The following ATF7IP variants were observed in gnomAD, a reference collection of about 807,000 sequenced individuals.
The protein encoded by ATF7IP is activating transcription factor 7-interacting protein 1.
ATF7IP carries 23 observed loss-of-function variants against 106.4 expected under a neutral mutation model. The observed-to-expected ratio is 0.22, with a 90% CI of 0.16 to 0.31. ATF7IP has a LOEUF of 0.31. Ranked by LOEUF, ATF7IP falls within the 10% of genes least tolerant of loss-of-function variation. ATF7IP has a pLI of 1.00. For missense variants in ATF7IP, 1,334 were observed against 1,524.3 expected (o/e 0.88, Z 2.08); for synonymous variants, 542 against 539.0 (o/e 1.01, Z -0.08).
intron 4 of ATF7IP, 145 bp from the exon 5 acceptor site, chr12:14,437,985 G>A (rs1435719489): frequency 2.4e-5 from 15 of 617,494 alleles, no homozygotes; most frequent in Middle Eastern, 5.0e-4. Flanking sequence ...CCCGGGAGGC[G>A]GAGCTTGCAG....
At chr12:14,489,520 A>G (rs998697739) in intron 13 of ATF7IP, among the ~76,000 whole-genome samples, 2 of 152,150 alleles carry the variant, frequency 1.3e-5, no homozygotes, top group Non-Finnish European at 2.9e-5. Context: ...GGTGAGTGGT[A>G]CCACTTCCAC....
intron 1 of ATF7IP, among the ~76,000 whole-genome samples, chr12:14,390,874 C>A (rs1404045548): frequency 6.6e-6 from 1 of 152,190 alleles, no homozygotes; most frequent in East Asian, 1.9e-4. Flanking sequence ...TTCCACATTT[C>A]CCAGAGTGAA....
chr12:14,476,071 G>T, intron 11 of ATF7IP, 103 bp downstream of exon 11: 1 of 867,514 alleles, frequency 1.2e-6, no homozygotes. Context: ...CATTATGCTT[G>T]GTTTATTTGT....
intron 8 of ATF7IP, among the ~76,000 whole-genome samples, chr12:14,457,498 A>T (rs1943473860): frequency 6.6e-6 from 1 of 152,078 alleles, no homozygotes; most frequent in Non-Finnish European, 1.5e-5. Context: ...GCTGAGGAGG[A>T]TTACCCAAAC....
intron 1 of ATF7IP, among the ~76,000 whole-genome samples, chr12:14,377,031 G>A (rs1360052277): frequency 6.6e-6 from 1 of 152,160 alleles, no homozygotes; most frequent in African/African-American, 2.4e-5. Flanking sequence ...GTCTTGCTGT[G>A]TTGCCCAGGC....
chr12:14,371,494 G>T (rs922399960), intron 1 of ATF7IP, among the ~76,000 whole-genome samples: 2 of 151,858 alleles, frequency 1.3e-5, no homozygotes, highest in Non-Finnish European at 2.9e-5. Context: ...TATTATACTT[G>T]GTTTCTAGAC....
Position 14,434,423 on chromosome 12 carries a change from A to G in ATF7IP, c.1645A>G (p.Asn549Asp). 6.6e-7 allele frequency: 1 copy of G among 1,518,026 alleles called. No homozygotes were observed. The highest frequency in any genetic ancestry group is 2.3e-5 in the East Asian group (1 of 43,756). 94.0% of individuals were successfully genotyped at this position (1,518,026 alleles called of 1,614,324 possible). A position where few individuals can be genotyped will look rare whatever the true frequency, so the allele number is the denominator to read the frequency against. ...HEDDERPSEKNEFSRRKRSKS... is the reference protein window; with the variant it reads ...HEDDERPSEKDEFSRRKRSKS... ...AGATGATGAAAGACCTTCTGAGAAA[A>G]GTATGCATGTATAAACAAACTTGAA... The change falls in exon 3 of 15, where the codon AAT (asparagine) becomes GAT (aspartate). Residue 549 changes from asparagine to aspartate, a missense_variant and splice_region_variant. Around this residue, in one of 10 missense-constraint regions of ATF7IP, gnomAD observed 119 missense variants for 117.8 expected, o/e 1.01. Transcript: ENST00000261168.
intron 1 of ATF7IP, among the ~76,000 whole-genome samples, chr12:14,422,626 C>T (rs1317620978): frequency 6.6e-6 from 1 of 152,146 alleles, no homozygotes; most frequent in Non-Finnish European, 1.5e-5. Context: ...CTACTCTGGA[C>T]ATTTCATATA....
rs755315491 is a variant in ATF7IP at position 14,425,155 on chromosome 12, G to T, written c.1240G>T (p.Val414Phe). Residue 414 changes from valine (V) to phenylalanine (F), a missense_variant, in exon 2 of 15, where the codon GTT (valine) becomes TTT (phenylalanine). Around this residue, in one of 10 missense-constraint regions of ATF7IP, gnomAD observed 438 missense variants for 405.3 expected, o/e 1.08. Transcript: ENST00000261168. ...ADLVETINEN[V>F]IEDNKSENIL... Reference sequence around the variant, plus strand: ...TCTTGTAGAAACGATTAATGAAAATGTTATTGAAGATAACAAAAGTGAGAA... The same window carrying T: ...TCTTGTAGAAACGATTAATGAAAATTTTATTGAAGATAACAAAAGTGAGAA... The T allele has an allele frequency of 6.3e-7, 1 of 1,593,358 alleles. No individual in the cohort carries two copies. Among genetic ancestry groups the T allele is most frequent in the South Asian group, 1.2e-5 (1 of 86,450 alleles).
chr12:14,372,460 CAA>C (rs11431179), intron 1 of ATF7IP, among the ~76,000 whole-genome samples: 13 of 121,352 alleles, frequency 1.1e-4, no homozygotes, highest in Non-Finnish European at 1.1e-4. Context: ...AGCCACTTTT[CAA>C]AAAAAAAAAA....
chr12:14,478,729 A>C (rs1004782924), intron 12 of ATF7IP, among the ~76,000 whole-genome samples: 4 of 152,214 alleles, frequency 2.6e-5, no homozygotes, highest in Non-Finnish European at 5.9e-5. Context: ...AGGTAATTTT[A>C]AAAAGCATTC....
intron 1 of ATF7IP, among the ~76,000 whole-genome samples, chr12:14,374,033 A>ATT (rs35072695): frequency 4.0e-5 from 6 of 149,822 alleles, no homozygotes; most frequent in Non-Finnish European, 7.4e-5. Context: ...TTTTATCCAG[A>ATT]TTTTTTTTTC....
intron 3 of ATF7IP, among the ~76,000 whole-genome samples, chr12:14,434,866 G>A (rs948392219): frequency 6.6e-6 from 1 of 152,114 alleles, no homozygotes; most frequent in African/African-American, 2.4e-5. Context: ...TGGAAGGATT[G>A]CTTGAGGCCA....
At chr12:14,420,889 CAT>C (rs1243019234) in intron 1 of ATF7IP, among the ~76,000 whole-genome samples, 3 of 152,280 alleles carry the variant, frequency 2.0e-5, no homozygotes, top group Admixed American at 2.0e-4. Context: ...TGTATTCTAC[CAT>C]ATCATTCCTA....
chr12:14,409,802 G>T (rs1940806733), intron 1 of ATF7IP, among the ~76,000 whole-genome samples: 1 of 152,008 alleles, frequency 6.6e-6, no homozygotes, highest in Non-Finnish European at 1.5e-5. Flanking sequence ...CCAACACTCG[G>T]TTCTCTTGGT....
At chr12:14,443,542 C>G (rs1565516606) in intron 5 of ATF7IP, among the ~76,000 whole-genome samples, 1 of 152,276 alleles carries the variant, frequency 6.6e-6, no homozygotes, top group East Asian at 1.9e-4. Context: ...TTAAAATTCA[C>G]TGGTCATTCA....
intron 2 of ATF7IP, among the ~76,000 whole-genome samples, chr12:14,431,857 A>T (rs777070224): frequency 6.6e-6 from 1 of 152,200 alleles, no homozygotes; most frequent in Non-Finnish European, 1.5e-5. Context: ...GGACAAAATA[A>T]AATTAAAGAA....
At chr12:14,421,940 A>G (rs1410044870) in intron 1 of ATF7IP, among the ~76,000 whole-genome samples, 1 of 152,164 alleles carries the variant, frequency 6.6e-6, no homozygotes, top group Admixed American at 6.5e-5. Flanking sequence ...ACCTACTTCT[A>G]AATAAGTCAT....
At chr12:14,492,373 G>T (rs948514017) in intron 13 of ATF7IP, among the ~76,000 whole-genome samples, 1 of 152,104 alleles carries the variant, frequency 6.6e-6, no homozygotes, top group African/African-American at 2.4e-5. Flanking sequence ...CTGGTAAAAG[G>T]CCAGAGATCT....
Sources: gnomAD v4.1 joint callset for allele counts (sites outside exome capture counted in the v4.1 genomes callset) on GRCh38, gnomAD v4.1.1 for gene constraint, gnomAD v4.1.1 regional missense constraint, MANE v1.5 for transcripts, NCBI Gene and HGNC (gene_info 2026-07-23, HGNC 2026-07-21) for gene names.